Variants in CACNA1E observed in about 807,000 individuals in gnomAD.
CACNA1E encodes voltage-dependent R-type calcium channel subunit alpha-1E.
Under a neutral mutation model 259.2 loss-of-function variants are expected in CACNA1E, and 40 were observed. That is an observed-to-expected ratio of 0.15 (90% CI 0.12 to 0.20). The LOEUF is 0.20. CACNA1E is among the 10% of genes least tolerant of loss of function. CACNA1E has a pLI of 1.00. For missense variants in CACNA1E, 1,874 were observed against 3,040.1 expected (o/e 0.62, Z 9.02); for synonymous variants, 1,104 against 1,138.5 (o/e 0.97, Z 0.61).
At chr1:181,621,456 A>C (rs1288724495) in intron 6 of CACNA1E, among the ~76,000 whole-genome samples, 1 of 152,210 alleles carries the variant, frequency 6.6e-6, no homozygotes, top group Non-Finnish European at 1.5e-5. Flanking sequence ...AGTCGACTGT[A>C]CATTCACCAA....
intron 6 of CACNA1E, among the ~76,000 whole-genome samples, chr1:181,619,607 A>G (rs1049765965): frequency 1.3e-5 from 2 of 152,192 alleles, no homozygotes; most frequent in Admixed American, 1.3e-4. Context: ...AGATGGAAGT[A>G]AGGAGACCAG....
intron 3 of CACNA1E, among the ~76,000 whole-genome samples, chr1:181,531,625 C>A (rs981285594): frequency 1.3e-5 from 2 of 152,224 alleles, no homozygotes; most frequent in African/African-American, 4.8e-5. Context: ...TTCACTCATA[C>A]TTTGCCCAGG....
intron 2 of CACNA1E, among the ~76,000 whole-genome samples, chr1:181,460,919 G>T (rs1661761814): frequency 6.6e-6 from 1 of 152,176 alleles, no homozygotes; most frequent in South Asian, 2.1e-4. Flanking sequence ...CTGGAGTTGT[G>T]AGAGTTAAAT....
intron 6 of CACNA1E, among the ~76,000 whole-genome samples, chr1:181,600,623 G>A (rs1183820372): frequency 6.6e-6 from 1 of 152,142 alleles, no homozygotes; most frequent in Non-Finnish European, 1.5e-5. Context: ...ACATTAATCT[G>A]TTAATAGCGG....
chr1:181,530,316 G>A (rs574582414), intron 3 of CACNA1E, among the ~76,000 whole-genome samples: 1 of 152,230 alleles, frequency 6.6e-6, no homozygotes, highest in East Asian at 1.9e-4. Context: ...CCAGTTTCAG[G>A]TATGTCTTTA....
At chr1:181,516,343 CCACACACACACACACACACACACACACA>C (rs3080529) in intron 3 of CACNA1E, among the ~76,000 whole-genome samples, 2 of 143,332 alleles carry the variant, frequency 1.4e-5, no homozygotes, top group Admixed American at 6.9e-5. Flanking sequence ...GTGCCAAAGA[CCACACACACACACACACACACACACACA>C]CACACACACA....
At chr1:181,350,753 G>C (rs1010971085) in intron 1 of CACNA1E, among the ~76,000 whole-genome samples, 1 of 152,096 alleles carries the variant, frequency 6.6e-6, no homozygotes, top group Non-Finnish European at 1.5e-5. Context: ...TGCCCACCCT[G>C]CTTTGCCTCA....
intron 1 of CACNA1E, among the ~76,000 whole-genome samples, chr1:181,370,897 T>C (rs1241705799): frequency 6.6e-6 from 1 of 152,218 alleles, no homozygotes; most frequent in African/African-American, 2.4e-5. Context: ...ACCATCAGCA[T>C]ATAAGTATTC....
chr1:181,750,978 G>C (rs908884502), intron 26 of CACNA1E, among the ~76,000 whole-genome samples: 4 of 152,054 alleles, frequency 2.6e-5, no homozygotes, highest in Admixed American at 6.5e-5. Context: ...TCCCTGTCAG[G>C]GGGGTGGGGT....
chr1:181,476,903 G>A (rs1662893326), intron 2 of CACNA1E, among the ~76,000 whole-genome samples: 1 of 152,162 alleles, frequency 6.6e-6, no homozygotes, highest in Non-Finnish European at 1.5e-5. Flanking sequence ...GAGGTAGACA[G>A]TGATGGGCAT....
intron 1 of CACNA1E, among the ~76,000 whole-genome samples, chr1:181,398,801 T>A (rs1191953899): frequency 6.6e-6 from 1 of 152,232 alleles, no homozygotes; most frequent in Non-Finnish European, 1.5e-5. Context: ...AGTCATAGTT[T>A]CCACTGGCTT....
intron 6 of CACNA1E, among the ~76,000 whole-genome samples, chr1:181,587,117 C>T (rs928804435): frequency 9.2e-5 from 14 of 152,168 alleles, no homozygotes; most frequent in South Asian, 2.1e-4. Flanking sequence ...AAGGCTGGTA[C>T]GTGGGTAGAT....
At chr1:181,353,048 C>T (rs796828244) in intron 1 of CACNA1E, among the ~76,000 whole-genome samples, 34 of 152,278 alleles carry the variant, frequency 2.2e-4, no homozygotes, top group African/African-American at 7.7e-4. Context: ...TGGACAGCTG[C>T]TTGTTATTGG....
At chr1:181,502,317 T>C (rs1365348860) in intron 1 of CACNA1E, among the ~76,000 whole-genome samples, 2 of 152,342 alleles carry the variant, frequency 1.3e-5, no homozygotes, top group Middle Eastern at 3.4e-3. Flanking sequence ...AAGGTTAACA[T>C]TTATTTTCAG....
At chr1:181,461,308 G>A (rs1198985703) in intron 2 of CACNA1E, among the ~76,000 whole-genome samples, 3 of 152,028 alleles carry the variant, frequency 2.0e-5, no homozygotes, top group Admixed American at 6.5e-5. Context: ...TTGGGAGGCC[G>A]AGGCGGGCGG....
At chr1:181,728,950 T>A (rs1350682845) in intron 18 of CACNA1E, among the ~76,000 whole-genome samples, 3 of 44,502 alleles carry the variant, frequency 6.7e-5, no homozygotes, top group African/African-American at 1.1e-4. Context: ...TGTGCCCTGC[T>A]CAGGTGTGTG....
rs1246607749 is a variant in CACNA1E at position 181,796,682 on chromosome 1, A to G, written c.6223A>G (p.Thr2075Ala). Residue 2075 changes from threonine to alanine, a missense_variant, in exon 47 of 48, where the codon ACT becomes GCT. By Grantham distance (58) the Thr-to-Ala change is moderately conservative (BLOSUM62 0). Around this residue, in one of 14 missense-constraint regions of CACNA1E, gnomAD observed 542 missense variants for 587.2 expected, o/e 0.92. Coordinates refer to ENST00000367573, the MANE Select transcript of CACNA1E (RefSeq NM_001205293.3). ...ACCTCTCACAGGCCACAAGTCTGAC[A>G]CTCACCGCTCAGGGGGCAGGGAGCG... is the stretch of plus-strand genomic sequence containing the variant. ...LNSDSGHKSD[T>A]HRSGGRERGR... The G allele has an allele frequency of 1.3e-6, 2 of 1,599,150 alleles. No homozygotes were observed. Among genetic ancestry groups the G allele is most frequent in the African/African-American group, 1.3e-5 (1 of 74,630 alleles).
At chr1:181,719,293 C>A (rs1004388711) in intron 12 of CACNA1E, among the ~76,000 whole-genome samples, 10 of 152,186 alleles carry the variant, frequency 6.6e-5, no homozygotes, top group Non-Finnish European at 1.0e-4. Flanking sequence ...TGTCACATTG[C>A]GGGATGCAAG....
intron 7 of CACNA1E, among the ~76,000 whole-genome samples, chr1:181,679,924 G>A (rs1440967664): frequency 6.6e-6 from 1 of 151,914 alleles, no homozygotes; most frequent in African/African-American, 2.4e-5. Flanking sequence ...GCAACATTGT[G>A]GAACCTCATT....
Sources: allele counts gnomAD v4.1 joint callset (sites outside exome capture counted in the v4.1 genomes callset), GRCh38; gene constraint gnomAD v4.1.1; regional missense constraint gnomAD v4.1.1; transcripts MANE v1.5; gene names NCBI Gene and HGNC (gene_info 2026-07-23, HGNC 2026-07-21).